The following LINGO2 variants were observed in gnomAD, a reference collection of about 807,000 sequenced individuals.
The protein encoded by LINGO2 is leucine-rich repeat and immunoglobulin-like domain-containing nogo receptor-interacting protein 2.
LINGO2 carries 14 observed loss-of-function variants against 30.6 expected under a neutral mutation model. The observed-to-expected ratio is 0.46, with a 90% CI of 0.30 to 0.72. The LOEUF is 0.72. Among genes scored for constraint, LINGO2 ranks in the 30% least tolerant of loss-of-function variants. The pLI, the probability that LINGO2 is intolerant of heterozygous loss-of-function variation, is 0.07. For missense variants in LINGO2, 729 were observed against 751.7 expected, an observed-to-expected ratio of 0.97 and a Z score of 0.35; for synonymous variants, 317 against 288.5, an observed-to-expected ratio of 1.10 and a Z score of -1.00.
the LINGO2 span, among the ~76,000 whole-genome samples, chr9:28,864,417 C>CAAACAATAAAGTTTCAAAAATGAAAA: frequency 6.6e-6 from 1 of 152,002 alleles, no homozygotes; most frequent in African/African-American, 2.4e-5. Context: ...AAATGAAAAA[C>CAAACAATAAAGTTTCAAAAATGAAAA]AAACAATAAA....
At chr9:28,892,969 A>C in the LINGO2 span, among the ~76,000 whole-genome samples, 8 of 152,132 alleles carry the variant, frequency 5.3e-5, no homozygotes, top group Non-Finnish European at 4.4e-5. Context: ...AAGTAGTGAT[A>C]GCAGATACTA....
upstream of LINGO2, among the ~76,000 whole-genome samples, chr9:28,672,995 G>T (rs780932926): frequency 1.3e-5 from 2 of 152,108 alleles, no homozygotes; most frequent in Non-Finnish European, 2.9e-5. Flanking sequence ...GTATTAAAAG[G>T]AGACTATTTT....
intron 4 of LINGO2, among the ~76,000 whole-genome samples, chr9:28,117,673 TC>T (rs1826964018): frequency 1.5e-5 from 2 of 136,424 alleles, no homozygotes; most frequent in Non-Finnish European, 3.1e-5. Flanking sequence ...GACCCGATTT[TC>T]CAGGTGCGTC....
At chr9:27,980,522 A>G (rs1173614385) in intron 5 of LINGO2, among the ~76,000 whole-genome samples, 1 of 151,934 alleles carries the variant, frequency 6.6e-6, no homozygotes. Context: ...AATATCTTCA[A>G]TGTTTTGACC....
At chr9:28,359,551 A>G (rs1293877396) in intron 3 of LINGO2, among the ~76,000 whole-genome samples, 4 of 152,320 alleles carry the variant, frequency 2.6e-5, no homozygotes, top group Admixed American at 1.3e-4. Context: ...TATTTTTAGC[A>G]TGATATTCTT....
the LINGO2 span, among the ~76,000 whole-genome samples, chr9:29,049,277 C>A: frequency 6.6e-6 from 1 of 152,220 alleles, no homozygotes; most frequent in East Asian, 1.9e-4. Context: ...ATTATATCAT[C>A]CCAGTTAAAA....
At chr9:28,820,479 T>C in the LINGO2 span, among the ~76,000 whole-genome samples, 1 of 152,204 alleles carries the variant, frequency 6.6e-6, no homozygotes, top group Admixed American at 6.5e-5. Context: ...ATCCCATACA[T>C]TGACGTATGT....
intron 1 of LINGO2, among the ~76,000 whole-genome samples, chr9:28,574,334 G>T (rs1245357453): frequency 6.6e-6 from 1 of 152,166 alleles, no homozygotes; most frequent in Admixed American, 6.5e-5. Context: ...AGATCCTGAA[G>T]GGAATTTGTC....
intron 4 of LINGO2, among the ~76,000 whole-genome samples, chr9:28,293,650 G>C (rs1021916100): frequency 6.6e-6 from 1 of 152,014 alleles, no homozygotes; most frequent in African/African-American, 2.4e-5. Flanking sequence ...TTTTCTGTCT[G>C]CTGGTTGTAG....
At chr9:28,173,096 A>T (rs1828648318) in intron 4 of LINGO2, among the ~76,000 whole-genome samples, 1 of 152,174 alleles carries the variant, frequency 6.6e-6, no homozygotes, top group Non-Finnish European at 1.5e-5. Flanking sequence ...AAATACTCTC[A>T]TTGATTGTAG....
rs563971632 is a variant in LINGO2 at position 28,039,886 on chromosome 9, ACC to A, written c.-86-27483_-86-27482del. ...TCTTTGGAGTGTCCCTCTCTGACCC[ACC>A]CCCTTGTGAGATATACTGGAGGATC... On this transcript the variant is annotated intron_variant, in intron 4 of 5. Coordinates refer to ENST00000379992, the Ensembl canonical transcript of LINGO2. Among the ~76,000 whole-genome samples, 193 of 151,982 alleles carry A rather than the reference ACC, an allele frequency of 1.3e-3. 1 individual carries two copies. The highest frequency in any genetic ancestry group is 3.5e-3 in the Admixed American group (54 of 15,266).
intron 3 of LINGO2, among the ~76,000 whole-genome samples, chr9:28,344,830 T>C (rs144397322): frequency 1.8e-4 from 28 of 152,226 alleles, no homozygotes; most frequent in African/African-American, 6.5e-4. Context: ...CTCCGGAATA[T>C]AGCACCCCTA....
At chr9:28,791,192 C>T in the LINGO2 span, among the ~76,000 whole-genome samples, 1 of 152,048 alleles carries the variant, frequency 6.6e-6, no homozygotes, top group East Asian at 1.9e-4. Context: ...AGTAAGGTAA[C>T]TAAAATTCCT....
intron 4 of LINGO2, among the ~76,000 whole-genome samples, chr9:28,127,882 A>T (rs910147109): frequency 6.6e-6 from 1 of 152,256 alleles, no homozygotes; most frequent in African/African-American, 2.4e-5. Context: ...TACAAACTCT[A>T]TGACTTTAGA....
At chr9:28,111,858 G>T (rs995988335) in intron 4 of LINGO2, among the ~76,000 whole-genome samples, 1 of 151,868 alleles carries the variant, frequency 6.6e-6, no homozygotes. Flanking sequence ...ATATATGAAG[G>T]TGATATTCAA....
chr9:28,917,819 G>T, the LINGO2 span, among the ~76,000 whole-genome samples: 1 of 152,156 alleles, frequency 6.6e-6, no homozygotes, highest in East Asian at 1.9e-4. Context: ...TCATATAAAA[G>T]ATGATTGAAT....
chr9:28,871,722 G>A, the LINGO2 span, among the ~76,000 whole-genome samples: 1 of 151,890 alleles, frequency 6.6e-6, no homozygotes, highest in African/African-American at 2.4e-5. Flanking sequence ...TACATAAGGA[G>A]TGAAATAAGC....
At chr9:28,891,959 T>G in the LINGO2 span, among the ~76,000 whole-genome samples, 1 of 151,972 alleles carries the variant, frequency 6.6e-6, no homozygotes. Flanking sequence ...TTATTCATGT[T>G]ACTACCTCTT....
chr9:28,932,769 C>T, the LINGO2 span, among the ~76,000 whole-genome samples: 2 of 152,120 alleles, frequency 1.3e-5, no homozygotes, highest in African/African-American at 4.8e-5. Flanking sequence ...CAATTTACCA[C>T]CCAGCTACTT....
Sources: allele counts gnomAD v4.1 joint callset (sites outside exome capture counted in the v4.1 genomes callset), GRCh38; gene constraint gnomAD v4.1.1; transcripts MANE v1.5; gene names NCBI Gene and HGNC (gene_info 2026-07-23, HGNC 2026-07-21).